TSPAN8: variants seen among roughly 807,000 people sequenced by gnomAD.
TSPAN8 encodes tetraspanin 8, also known as tetraspanin-8.
A neutral mutation model predicts 32.8 loss-of-function variants in TSPAN8; 21 were observed. That is an observed-to-expected ratio of 0.64 (90% CI 0.45 to 0.92). TSPAN8 has a LOEUF of 0.92. TSPAN8 is among the 40% of genes least tolerant of loss of function. The pLI is 0.00. For synonymous variants in TSPAN8, 95 were observed against 94.6 expected (o/e 1.00, Z -0.03); for missense variants, 269 against 281.9 (o/e 0.95, Z 0.33).
intron 3 of TSPAN8, among the ~76,000 whole-genome samples, chr12:71,142,766 A>G (rs1353620057): frequency 1.3e-5 from 2 of 151,708 alleles, no homozygotes; most frequent in East Asian, 3.9e-4. Flanking sequence ...GCTAATTGCC[A>G]CTGTGATCCT....
chr12:71,135,969 A>G (rs532237942), intron 6 of TSPAN8, among the ~76,000 whole-genome samples: 39 of 152,294 alleles, frequency 2.6e-4, no homozygotes, highest in African/African-American at 9.1e-4. Flanking sequence ...GGAAAAGCAC[A>G]TCAGAAAGGA....
intron 2 of TSPAN8, among the ~76,000 whole-genome samples, chr12:71,156,250 C>CAAAAAAAAAAAAAAAAAAAAAAAAA (rs763217771): frequency 7.4e-4 from 18 of 24,360 alleles, no homozygotes; most frequent in African/African-American, 4.2e-3. Context: ...CAAAGTTCTC[C>CAAAAAAAAAAAAAAAAAAAAAAAAA]AAAAAAAAAA....
chr12:71,138,347 C>T (rs974198444), intron 4 of TSPAN8, 117 bp from the exon 5 acceptor site: 10 of 980,522 alleles, frequency 1.0e-5, no homozygotes, highest in Non-Finnish European at 1.5e-5. Flanking sequence ...GAGTGTCAGT[C>T]ACACTCTTCA....
In TSPAN8 at chr12:71,144,231, C is replaced by T; in HGVS notation, c.61-18G>A. On this transcript the variant is annotated intron_variant, in intron 2 of 8. Coordinates refer to ENST00000247829, the MANE Select transcript of TSPAN8 (RefSeq NM_004616.3). ...CCACATAGCTGCAGAAAAAAACAAA[C>T]AAACAAAAAGAATACAATTAGGATC... The T allele has an allele frequency of 6.2e-7, 1 of 1,606,274 alleles. No individual in the cohort carries two copies. Among genetic ancestry groups the T allele is most frequent in the Non-Finnish European group, 8.5e-7 (1 of 1,177,712 alleles).
intron 7 of TSPAN8, among the ~76,000 whole-genome samples, chr12:71,129,783 T>C (rs113523855): frequency 0.012 from 1,793 of 152,260 alleles, 28 homozygotes; most frequent in African/African-American, 0.041. Flanking sequence ...CATAAAAGTA[T>C]AAATCATAAT....
At chr12:71,125,484 G>A in intron 8 of TSPAN8, 97 bp from the exon 9 acceptor site, 1 of 1,035,876 alleles carries the variant, frequency 9.7e-7, no homozygotes, top group Admixed American at 2.4e-5. Flanking sequence ...AAAAGATTTT[G>A]TATATTGACA....
At chr12:71,146,408 A>G (rs1872081101) in intron 2 of TSPAN8, among the ~76,000 whole-genome samples, 1 of 152,162 alleles carries the variant, frequency 6.6e-6, no homozygotes. Context: ...ATCAAGAATG[A>G]CCATCCTAGA....
chr12:71,147,453 CTCT>C (rs1872112278), intron 2 of TSPAN8, among the ~76,000 whole-genome samples: 1 of 152,108 alleles, frequency 6.6e-6, no homozygotes. Flanking sequence ...GCTTAAGAAA[CTCT>C]TCTTGTGCTG....
At chr12:71,155,340 T>C (rs1440238243) in intron 2 of TSPAN8, among the ~76,000 whole-genome samples, 2 of 152,050 alleles carry the variant, frequency 1.3e-5, no homozygotes, top group East Asian at 3.9e-4. Flanking sequence ...CATGAAAGAA[T>C]ACAAAATCAC....
intron 4 of TSPAN8, among the ~76,000 whole-genome samples, chr12:71,138,518 T>A (rs1721564850): frequency 6.6e-6 from 1 of 152,212 alleles, no homozygotes; most frequent in Non-Finnish European, 1.5e-5. Context: ...AAAACTTAGA[T>A]GAGTTTATTT....
At chr12:71,132,598 T>C (rs1871551307) in intron 7 of TSPAN8, 95 bp downstream of exon 7, 2 of 1,375,702 alleles carry the variant, frequency 1.5e-6, no homozygotes, top group East Asian at 2.3e-5. Flanking sequence ...ATGATTCCCA[T>C]GGTACTCCAT....
rs927345867 is a variant in TSPAN8, at chr12:71,157,720, A to C, written c.-42T>G. 6.6e-7 allele frequency: 1 copy of C among 1,513,756 alleles called. No homozygotes were observed. Among genetic ancestry groups the C allele is most frequent in the Admixed American group, 1.7e-5 (1 of 59,820 alleles). The allele number at this position is 1,513,756 out of a possible 1,614,324, so 93.8% of individuals were successfully genotyped here. A position where few individuals can be genotyped will look rare whatever the true frequency, so the allele number is the denominator to read the frequency against. On this transcript the variant is annotated 5_prime_UTR_variant, in exon 2 of 9. Coordinates refer to ENST00000247829, the MANE Select transcript of TSPAN8 (RefSeq NM_004616.3). ...GAATCCAGATGCCGTGAATTTAACTATTCGTTACAGGCTTGTCCTGCAATA... is the reference window on the plus strand; with the variant it reads ...GAATCCAGATGCCGTGAATTTAACTCTTCGTTACAGGCTTGTCCTGCAATA...
chr12:71,127,044 G>A (rs1871370051), intron 8 of TSPAN8, among the ~76,000 whole-genome samples: 1 of 152,024 alleles, frequency 6.6e-6, no homozygotes, highest in African/African-American at 2.4e-5. Flanking sequence ...CTAACATAAG[G>A]TCTAAATATG....
chr12:71,157,855 A>C, intron 1 of TSPAN8, 68 bp from the exon 2 acceptor site: 1 of 575,928 alleles, frequency 1.7e-6, no homozygotes, highest in Non-Finnish European at 3.1e-6. Flanking sequence ...TGGATAAAAA[A>C]ATTAACCCAC....
chr12:71,154,758 T>C (rs1872371594), intron 2 of TSPAN8, among the ~76,000 whole-genome samples: 1 of 152,196 alleles, frequency 6.6e-6, no homozygotes, highest in Admixed American at 6.5e-5. Flanking sequence ...AGGAAAACAA[T>C]GACTATAGCT....
chr12:71,127,366 T>C (rs927134457), intron 8 of TSPAN8, among the ~76,000 whole-genome samples: 3 of 152,082 alleles, frequency 2.0e-5, no homozygotes, highest in African/African-American at 7.2e-5. Context: ...AGATGGAATA[T>C]AAAATGATTT....
At chr12:71,150,656 G>A (rs1872224253) in intron 2 of TSPAN8, among the ~76,000 whole-genome samples, 1 of 152,126 alleles carries the variant, frequency 6.6e-6, no homozygotes, top group African/African-American at 2.4e-5. Flanking sequence ...TATTAATGGT[G>A]TTTATTGTAT....
chr12:71,143,417 G>C (rs1019251706), intron 3 of TSPAN8, among the ~76,000 whole-genome samples: 1 of 152,136 alleles, frequency 6.6e-6, no homozygotes, highest in Non-Finnish European at 1.5e-5. Context: ...GGGTCCAATA[G>C]CTGGAGCCAG....
chr12:71,149,730 C>G (rs28376987), intron 2 of TSPAN8, among the ~76,000 whole-genome samples: 56 of 152,328 alleles, frequency 3.7e-4, no homozygotes, highest in Non-Finnish European at 5.6e-4. Flanking sequence ...TGAGGATGTA[C>G]GTCACCTCAG....
Sources: gnomAD v4.1 joint callset for allele counts (sites outside exome capture counted in the v4.1 genomes callset) on GRCh38, gnomAD v4.1.1 for gene constraint, MANE v1.5 for transcripts, NCBI Gene and HGNC (gene_info 2026-07-23, HGNC 2026-07-21) for gene names.